The following TBL1XR1 variants were observed in gnomAD, a reference collection of about 807,000 sequenced individuals.
The protein encoded by TBL1XR1 is TBL1X/Y related 1.
Under a neutral mutation model 66.9 loss-of-function variants are expected in TBL1XR1, and 5 were observed. That is an observed-to-expected ratio of 0.07 (90% CI 0.04 to 0.16). The LOEUF (loss-of-function observed/expected upper bound fraction) is 0.16. Among genes scored for constraint, TBL1XR1 ranks in the 10% least tolerant of loss-of-function variants. The pLI, the probability that TBL1XR1 is intolerant of heterozygous loss-of-function variation, is 1.00. For missense variants in TBL1XR1, 238 were observed against 623.2 expected (o/e 0.38, Z 6.58); for synonymous variants, 210 against 206.0 (o/e 1.02, Z -0.17).
intron 2 of TBL1XR1, among the ~76,000 whole-genome samples, chr3:177,084,862 T>C (rs1721924087): frequency 6.6e-6 from 1 of 152,240 alleles, no homozygotes; most frequent in Admixed American, 6.5e-5. Context: ...CCTCATAATG[T>C]TTGTTTTTCA....
Position 177,026,456 on chromosome 3 carries a change from T to A in TBL1XR1, c.1435A>T (p.Ser479Cys). The change falls in exon 15 of 16, where the codon AGC becomes TGC. Residue 479 changes from serine to cysteine, a missense_variant. By Grantham distance (112) the Ser-to-Cys change is moderately radical. This residue lies in a region of TBL1XR1 where 26 missense variants were observed against 35.1 expected (regional missense o/e 0.74). Coordinates refer to ENST00000457928, the MANE Select transcript of TBL1XR1 (RefSeq NM_024665.7). Reference protein sequence around the residue: ...WNTQTGALVHSYRGTGGIFEV... With the variant: ...WNTQTGALVHCYRGTGGIFEV... Reference sequence around the variant, plus strand: ...AATATTCCACCTGTTCCCCTATAGCTGTGAACTAGAGCACCTGTCTAAAAG... The same window carrying A: ...AATATTCCACCTGTTCCCCTATAGCAGTGAACTAGAGCACCTGTCTAAAAG... 1.2e-6 allele frequency: 2 copies of A among 1,607,750 alleles called. No homozygotes were observed. The highest frequency in any genetic ancestry group is 1.7e-6 in the Non-Finnish European group (2 of 1,178,148).
intron 1 of TBL1XR1, among the ~76,000 whole-genome samples, chr3:177,157,609 GCCATGGAAGGTTAAATAC>G (rs1731672173): frequency 6.6e-6 from 1 of 152,148 alleles, no homozygotes; most frequent in African/African-American, 2.4e-5. Flanking sequence ...AAATGCCTTT[GCCATGGAAGGTTAAATAC>G]CCACAGGTTC....
At chr3:177,093,202 A>C (rs2902286) in intron 2 of TBL1XR1, among the ~76,000 whole-genome samples, 89,671 of 151,840 alleles carry the variant, frequency 0.59, 26,634 homozygotes, top group East Asian at 0.73. Context: ...AAGAACTCAA[A>C]CCCTTTTACA....
intron 14 of TBL1XR1, among the ~76,000 whole-genome samples, chr3:177,030,106 ATGTGTGTG>A (rs926533880): frequency 1.4e-5 from 2 of 147,942 alleles, no homozygotes; most frequent in Non-Finnish European, 3.0e-5. Flanking sequence ...GTGTGTGTGT[ATGTGTGTG>A]TGTGTGTATA....
At chr3:177,087,830 T>C (rs2108631422) in intron 2 of TBL1XR1, among the ~76,000 whole-genome samples, 1 of 152,290 alleles carries the variant, frequency 6.6e-6, no homozygotes, top group Middle Eastern at 3.4e-3. Flanking sequence ...TTTCCAATTT[T>C]ATGGCTATAT....
At chr3:177,044,820 A>G (rs1268911899) in intron 10 of TBL1XR1, 2 of 152,156 alleles carry the variant, frequency 1.3e-5, no homozygotes, top group African/African-American at 4.8e-5. Context: ...CATCTCCAAC[A>G]CAGAGTTGGT....
intron 1 of TBL1XR1, among the ~76,000 whole-genome samples, chr3:177,102,771 C>T (rs1238776326): frequency 1.3e-5 from 2 of 152,172 alleles, no homozygotes; most frequent in Admixed American, 1.3e-4. Context: ...CGGTTCTGCT[C>T]ACAAATCTTC....
At position 177,180,134 on chromosome 3, in the gene TBL1XR1, G is replaced by A. The variant is rs138137814; in HGVS notation, c.-122+16987C>T. Reference sequence around the variant, plus strand: ...TGCCTGTAATCCCAGCTACTTGGGAGGCTGGGGCAGGAGAATTGCCTGAAT... The same window carrying A: ...TGCCTGTAATCCCAGCTACTTGGGAAGCTGGGGCAGGAGAATTGCCTGAAT... On this transcript the variant is annotated intron_variant, in intron 1 of 15. Coordinates refer to ENST00000457928, the MANE Select transcript of TBL1XR1 (RefSeq NM_024665.7). Among the ~76,000 whole-genome samples, 11 of 151,908 alleles carry A rather than the reference G, an allele frequency of 7.2e-5. No individual in the cohort carries two copies. In the East Asian group the frequency reaches 1.9e-3, roughly 27 times the overall value.
At chr3:177,143,554 T>C (rs1437713734) in intron 1 of TBL1XR1, among the ~76,000 whole-genome samples, 3 of 152,220 alleles carry the variant, frequency 2.0e-5, no homozygotes, top group Non-Finnish European at 4.4e-5. Context: ...ACCTTTGAAA[T>C]TAAACTTTTT....
At chr3:177,074,476 C>T (rs942156650) in intron 2 of TBL1XR1, among the ~76,000 whole-genome samples, 7 of 152,204 alleles carry the variant, frequency 4.6e-5, no homozygotes, top group Admixed American at 3.3e-4. Flanking sequence ...CTTCTATCAA[C>T]GCTTTCCCTA....
chr3:177,185,137 GTCTC>G (rs1271160437), intron 1 of TBL1XR1, among the ~76,000 whole-genome samples: 10 of 152,054 alleles, frequency 6.6e-5, no homozygotes, highest in Admixed American at 4.6e-4. Flanking sequence ...ATGAAAATAA[GTCTC>G]TCTGACATCT....
rs146004518 is a variant in TBL1XR1, at chr3:177,060,424, A to G, written c.58+4496T>C. Among the ~76,000 whole-genome samples the G allele has an allele frequency of 1.1e-3, 166 of 152,312 alleles. 4 individuals carry two copies. The East Asian group carries it at 0.031, about 29-fold the overall frequency. On this transcript the variant is annotated intron_variant, in intron 3 of 15. Transcript: ENST00000457928. Reference sequence around the variant, plus strand: ...TTTGCAATTCCAGTTAAGTCGTTCAATTATAAGATGCAACTGTTTCATAGC... The same window carrying G: ...TTTGCAATTCCAGTTAAGTCGTTCAGTTATAAGATGCAACTGTTTCATAGC...
chr3:177,201,426 A>C (rs996393168), upstream of TBL1XR1, among the ~76,000 whole-genome samples: 6 of 151,854 alleles, frequency 4.0e-5, no homozygotes, highest in South Asian at 2.1e-4. Context: ...AAAAAAAAAA[A>C]AAAAAAAAAA....
chr3:177,038,892 G>C lies in TBL1XR1; in HGVS notation c.926-458C>G, dbSNP rs190764189. Among the ~76,000 whole-genome samples the C allele has an allele frequency of 4.6e-5, 7 of 152,266 alleles. No individual in the cohort carries two copies. In the East Asian group the frequency reaches 9.7e-4, roughly 21 times the overall value. ...TATCCTCTTTAGATAAGGGTAACAT[G>C]CAAGTGTTACCCTCACACACAAGAG... is the stretch of plus-strand genomic sequence containing the variant. On this transcript the variant is annotated intron_variant, in intron 10 of 15. Transcript: ENST00000457928.
At chr3:177,071,038 T>TG in intron 2 of TBL1XR1, among the ~76,000 whole-genome samples, 1 of 144,518 alleles carries the variant, frequency 6.9e-6, no homozygotes, top group East Asian at 2.1e-4. Flanking sequence ...TCTGTTTTTT[T>TG]TTTTTTTTTT....
At chr3:177,062,864 G>A (rs1000182785) in intron 3 of TBL1XR1, among the ~76,000 whole-genome samples, 6 of 152,004 alleles carry the variant, frequency 3.9e-5, no homozygotes, top group South Asian at 2.1e-4. Context: ...CTTTTGGGCC[G>A]GGTGTAATGC....
intron 1 of TBL1XR1, among the ~76,000 whole-genome samples, chr3:177,164,599 C>T (rs1281674769): frequency 6.6e-6 from 1 of 152,150 alleles, no homozygotes; most frequent in Non-Finnish European, 1.5e-5. Context: ...CCACCCGCCT[C>T]GGCCTTCCAA....
At chr3:177,069,016 TC>T (rs1020474125) in intron 2 of TBL1XR1, among the ~76,000 whole-genome samples, 3 of 152,214 alleles carry the variant, frequency 2.0e-5, no homozygotes, top group Non-Finnish European at 4.4e-5. Context: ...TTCATTGGAA[TC>T]CAGAGCTCGG....
chr3:177,117,260 C>T (rs955990673), intron 1 of TBL1XR1, among the ~76,000 whole-genome samples: 3 of 152,182 alleles, frequency 2.0e-5, no homozygotes, highest in African/African-American at 4.8e-5. Context: ...TGTTCCCTGT[C>T]TTCCAAATAG....
Sources: gnomAD v4.1 joint callset for allele counts (sites outside exome capture counted in the v4.1 genomes callset) on GRCh38, gnomAD v4.1.1 for gene constraint, gnomAD v4.1.1 regional missense constraint, MANE v1.5 for transcripts, NCBI Gene and HGNC (gene_info 2026-07-23, HGNC 2026-07-21) for gene names.